Variants in KIAA0319L observed in about 807,000 individuals in gnomAD.
KIAA0319L encodes the protein KIAA0319 like, also known as dyslexia-associated protein KIAA0319-like protein.
In KIAA0319L, 55 loss-of-function variants were observed where a neutral mutation model predicts 120.1. That is an observed-to-expected ratio of 0.46 (90% CI 0.37 to 0.57). KIAA0319L has a LOEUF of 0.57. Among genes scored for constraint, KIAA0319L ranks in the 20% least tolerant of loss-of-function variants. The probability of loss-of-function intolerance (pLI) is 0.00; values close to 1 mark genes in which losing one functional copy is unlikely to be tolerated. For missense variants in KIAA0319L, 1,049 were observed against 1,255.3 expected (o/e 0.84, Z 2.48); for synonymous variants, 398 against 471.9 (o/e 0.84, Z 2.03).
chr1:35,477,466 G>C (rs1458131102), intron 4 of KIAA0319L, among the ~76,000 whole-genome samples: 1 of 152,112 alleles, frequency 6.6e-6, no homozygotes, highest in Non-Finnish European at 1.5e-5. Flanking sequence ...AGGAGATCGA[G>C]ACCATCCTGG....
chr1:35,469,785 G>A (rs1298379768), intron 6 of KIAA0319L, among the ~76,000 whole-genome samples: 3 of 151,622 alleles, frequency 2.0e-5, no homozygotes. Flanking sequence ...TAATTCTCTG[G>A]TAAATCCCCA....
In KIAA0319L at chr1:35,557,316, G is replaced by A. The variant is rs1648258518; in HGVS notation, c.-138C>T. On this transcript the variant is annotated 5_prime_UTR_variant, in exon 1 of 21. Transcript: ENST00000325722. ...TCGCTCCCCTCACCCGGAGGAGGAG[G>A]AGGAAGAGGAAGAAGGTAGTGCGGG... is the stretch of plus-strand genomic sequence containing the variant. 4 of 233,992 alleles carry A rather than the reference G, an allele frequency of 1.7e-5. No individual in the cohort carries two copies. In the Admixed American group the frequency reaches 2.1e-4, roughly 12 times the overall value. 14.5% of individuals were successfully genotyped at this position (233,992 alleles called of 1,614,324 possible). A position where few individuals can be genotyped will look rare whatever the true frequency, so the allele number is the denominator to read the frequency against.
chr1:35,515,333 C>T (rs112528533), intron 2 of KIAA0319L, among the ~76,000 whole-genome samples: 2,592 of 144,416 alleles, frequency 0.018, 75 homozygotes, highest in African/African-American at 0.062. Context: ...AAAAAAGAAC[C>T]AAAATTGTAC....
intron 10 of KIAA0319L, 100 bp downstream of exon 10, chr1:35,455,913 G>A (rs980422225): frequency 4.6e-6 from 4 of 871,324 alleles, no homozygotes; most frequent in Admixed American, 2.4e-5. Context: ...TTAATCAAAG[G>A]CCCCTAAAGC....
At chr1:35,454,303 C>T (rs1235861932) in intron 11 of KIAA0319L, 59 bp downstream of exon 11, 8 of 1,594,300 alleles carry the variant, frequency 5.0e-6, no homozygotes, top group Non-Finnish European at 4.3e-6. Flanking sequence ...ACACTCTTTT[C>T]CCCCAAGGTT....
chr1:35,554,961 G>C (rs1036574012), intron 1 of KIAA0319L: 1 of 152,758 alleles, frequency 6.5e-6, no homozygotes, highest in Admixed American at 6.5e-5. Context: ...GTCTGGCCCA[G>C]TATTTTTTAA....
intron 2 of KIAA0319L, among the ~76,000 whole-genome samples, chr1:35,528,560 TC>T (rs35354650): frequency 6.6e-6 from 1 of 152,230 alleles, no homozygotes; most frequent in African/African-American, 2.4e-5. Flanking sequence ...TAGAGAATGT[TC>T]CATGTGTTGA....
At chr1:35,534,570 C>T (rs1646493761) in intron 2 of KIAA0319L, among the ~76,000 whole-genome samples, 1 of 152,112 alleles carries the variant, frequency 6.6e-6, no homozygotes, top group Non-Finnish European at 1.5e-5. Context: ...AAAAGAATAA[C>T]AATCGGTGGC....
intron 3 of KIAA0319L, among the ~76,000 whole-genome samples, chr1:35,479,830 G>A (rs1373132483): frequency 6.6e-6 from 1 of 151,440 alleles, no homozygotes; most frequent in African/African-American, 2.4e-5. Flanking sequence ...TTGAGCCTGG[G>A]AGGTCAAGGC....
At chr1:35,457,181 C>G (rs1642531747) in intron 9 of KIAA0319L, among the ~76,000 whole-genome samples, 1 of 152,030 alleles carries the variant, frequency 6.6e-6, no homozygotes, top group Non-Finnish European at 1.5e-5. Flanking sequence ...GTAACCCACC[C>G]AAGGGCTATA....
At chr1:35,500,157 A>C (rs1233474221) in intron 3 of KIAA0319L, among the ~76,000 whole-genome samples, 1 of 152,226 alleles carries the variant, frequency 6.6e-6, no homozygotes, top group Non-Finnish European at 1.5e-5. Flanking sequence ...CAAACCTTAC[A>C]TGCAGGGATA....
intron 2 of KIAA0319L, among the ~76,000 whole-genome samples, chr1:35,539,464 T>C (rs536367446): frequency 4.7e-4 from 71 of 152,294 alleles, no homozygotes; most frequent in South Asian, 8.3e-4. Context: ...AATGTCAGAG[T>C]GCAGCTTATA....
At chr1:35,527,015 C>T (rs1646174364) in intron 2 of KIAA0319L, among the ~76,000 whole-genome samples, 1 of 152,170 alleles carries the variant, frequency 6.6e-6, no homozygotes, top group East Asian at 1.9e-4. Flanking sequence ...GAGGTTGAGG[C>T]TGTTCCTTCT....
rs748730339 is a variant in KIAA0319L, at chr1:35,456,105, G to GGGTGAT, written c.1558_1563dup (p.Ile520_Thr521dup). 1 of 1,614,078 alleles carries GGGTGAT rather than the reference G, an allele frequency of 6.2e-7. No individual in the cohort carries two copies. Among genetic ancestry groups the GGGTGAT allele is most frequent in the Non-Finnish European group, 8.5e-7 (1 of 1,180,010 alleles). On this transcript the variant is annotated inframe_insertion, in exon 10 of 21. Coordinates refer to ENST00000325722, the MANE Select transcript of KIAA0319L (RefSeq NM_024874.5). ...TCATCAGTGCTCTGGTTCCCAAAGA[G>GGGTGAT]GGTGATGGAGTTTTGGGGCAGGGTG...
chr1:35,453,409 G>A lies in KIAA0319L; in HGVS notation c.1913+148C>T, dbSNP rs1244899288. The A allele has an allele frequency of 1.5e-6, 1 of 668,456 alleles. No individual in the cohort carries two copies. Among genetic ancestry groups the A allele is most frequent in the Non-Finnish European group, 2.5e-6 (1 of 393,906 alleles). 41.4% of individuals were successfully genotyped at this position (668,456 alleles called of 1,614,324 possible). A position where few individuals can be genotyped will look rare whatever the true frequency, so the allele number is the denominator to read the frequency against. ...ATGATTATAATATCATTTTCTTGGAGTTGAAGTTTGGAATTGCAAACATTT... is the reference window on the plus strand; with the variant it reads ...ATGATTATAATATCATTTTCTTGGAATTGAAGTTTGGAATTGCAAACATTT... On this transcript the variant is annotated intron_variant, in intron 12 of 20. Transcript: ENST00000325722. This position sits in a 1 kb window ranked among gnomAD's most constrained non-coding sequence, Gnocchi z 4.1.
rs539909865 is a variant in KIAA0319L, at chr1:35,552,336, A to G, written c.142+2014T>C. 2.0e-5 allele frequency among the ~76,000 whole-genome samples: 3 copies of G among 151,588 alleles called. No homozygotes were observed. The South Asian group carries it at 6.3e-4, about 32-fold the overall frequency. On this transcript the variant is annotated intron_variant, in intron 2 of 20. Transcript: ENST00000325722. ...CACTCCAGCCTGGTGACAGAGTGAG[A>G]CTCCGTTTCAAAAAAAAAACCTTTG...
intron 3 of KIAA0319L, among the ~76,000 whole-genome samples, chr1:35,481,298 G>A (rs960129340): frequency 2.0e-5 from 3 of 152,164 alleles, no homozygotes; most frequent in African/African-American, 4.8e-5. Context: ...ATCTTAGGTA[G>A]TTACTTAGGA....
intron 2 of KIAA0319L, among the ~76,000 whole-genome samples, chr1:35,541,118 A>AT (rs1250714679): frequency 2.0e-5 from 3 of 151,414 alleles, no homozygotes; most frequent in South Asian, 2.1e-4. Flanking sequence ...ACTTTTTATT[A>AT]TTTTTTTGTT....
chr1:35,495,296 C>T (rs1644757957), intron 3 of KIAA0319L, among the ~76,000 whole-genome samples: 1 of 152,124 alleles, frequency 6.6e-6, no homozygotes, highest in South Asian at 2.1e-4. Context: ...TCGCTTGAAC[C>T]TGGGAGATGG....
Sources: allele counts gnomAD v4.1 joint callset (sites outside exome capture counted in the v4.1 genomes callset), GRCh38; gene constraint gnomAD v4.1.1; non-coding constraint Gnocchi (gnomAD v3.1); transcripts MANE v1.5; gene names NCBI Gene and HGNC (gene_info 2026-07-23, HGNC 2026-07-21).